Variants in GDAP2 observed in about 807,000 individuals in gnomAD.
The protein encoded by GDAP2 is ganglioside induced differentiation associated protein 2.
GDAP2 carries 51 observed loss-of-function variants against 67.0 expected under a neutral mutation model. That is an observed-to-expected ratio of 0.76 (90% CI 0.61 to 0.96). The LOEUF is 0.96. Ranked by LOEUF, GDAP2 falls within the 40% of genes least tolerant of loss-of-function variation. The pLI is 0.00. For missense variants in GDAP2, 547 were observed against 588.3 expected (o/e 0.93, Z 0.73); for synonymous variants, 203 against 207.3 (o/e 0.98, Z 0.18).
intron 8 of GDAP2, among the ~76,000 whole-genome samples, chr1:117,890,129 A>G (rs1434382995): frequency 2.0e-5 from 3 of 152,132 alleles, no homozygotes; most frequent in Non-Finnish European, 2.9e-5. Context: ...GGTAACCAGA[A>G]GTCTAAATAC....
chr1:117,922,927 A>G (rs1650308675), intron 1 of GDAP2, among the ~76,000 whole-genome samples: 1 of 152,258 alleles, frequency 6.6e-6, no homozygotes, highest in Non-Finnish European at 1.5e-5. Context: ...CTACACCTGC[A>G]TAAGGCAGAC....
intron 5 of GDAP2, among the ~76,000 whole-genome samples, chr1:117,906,816 T>C (rs1649675365): frequency 6.6e-6 from 1 of 152,232 alleles, no homozygotes; most frequent in Non-Finnish European, 1.5e-5. Context: ...TGTGTATTGT[T>C]ATCCTCCCTG....
rs1310458861 is a variant in GDAP2, at chr1:117,912,694, T to A, written c.317-11A>T. On this transcript the variant is annotated splice_polypyrimidine_tract_variant and intron_variant, in intron 3 of 13. Transcript: ENST00000369443. ...CACCTGTTCGGCACCCTGAAAACAATGGAAACACACATAAGTTTGGATGTG... is the reference window on the plus strand; with the variant it reads ...CACCTGTTCGGCACCCTGAAAACAAAGGAAACACACATAAGTTTGGATGTG... 1 of 1,609,628 alleles carries A rather than the reference T, an allele frequency of 6.2e-7. No individual in the cohort carries two copies. Among genetic ancestry groups the A allele is most frequent in the Non-Finnish European group, 8.5e-7 (1 of 1,176,818 alleles).
intron 13 of GDAP2, among the ~76,000 whole-genome samples, chr1:117,871,198 G>C (rs548848148): frequency 6.6e-6 from 1 of 152,308 alleles, no homozygotes; most frequent in Non-Finnish European, 1.5e-5. Context: ...GGCAAGGCTT[G>C]TAACAATTAC....
intron 6 of GDAP2, among the ~76,000 whole-genome samples, chr1:117,901,753 C>T (rs1348506369): frequency 3.3e-5 from 5 of 152,072 alleles, no homozygotes; most frequent in African/African-American, 9.7e-5. Context: ...GAAGACTGTC[C>T]CTGTAAGGGA....
At chr1:117,919,051 T>C (rs932485363) in intron 2 of GDAP2, among the ~76,000 whole-genome samples, 4 of 152,112 alleles carry the variant, frequency 2.6e-5, no homozygotes, top group Admixed American at 6.5e-5. Flanking sequence ...GGTATATCCA[T>C]ACAATGGAAT....
At chr1:117,873,336 T>C (rs1311203573) in intron 13 of GDAP2, among the ~76,000 whole-genome samples, 1 of 152,122 alleles carries the variant, frequency 6.6e-6, no homozygotes, top group Non-Finnish European at 1.5e-5. Context: ...AAGGTCCCTT[T>C]TAATCCTATA....
chr1:117,886,626 A>G lies in GDAP2; in HGVS notation c.1058T>C (p.Met353Thr), dbSNP rs1418758080. 6.3e-7 allele frequency: 1 copy of G among 1,593,028 alleles called. No individual in the cohort carries two copies. Among genetic ancestry groups the G allele is most frequent in the African/African-American group, 1.3e-5 (1 of 74,468 alleles). The change falls in exon 10 of 14, where the codon ATG becomes ACG. Residue 353 changes from methionine to threonine, a missense_variant. By Grantham distance (81) the Met-to-Thr change is moderately conservative. Coordinates refer to ENST00000369443, the MANE Select transcript of GDAP2 (RefSeq NM_017686.4). ...TGVDNCGRTV[M>T]VVVGRNIPVT... The stretch of plus-strand genomic sequence containing the variant: ...AGGAATGTTTCTTCCAACTACCACC[A>G]TCACTGTTCGACCACAGTTATCAAC...
At chr1:117,877,693 A>G in intron 13 of GDAP2, 10 of 1,049,202 alleles carry the variant, frequency 9.5e-6, no homozygotes, top group Non-Finnish European at 1.1e-5. Context: ...AAGCCATTCA[A>G]TCTTAAGAAA....
In GDAP2 at chr1:117,870,576, T is replaced by C. The variant is rs769638608; in HGVS notation, c.1487A>G (p.Asp496Gly). Residue 496 changes from aspartate to glycine, a missense_variant, in exon 14 of 14, where the codon GAT becomes GGT. Transcript: ENST00000369443. ...PYYTSYPPSP[D>G]L ...GCACTGAAAGATGGCAGGTCACAAA[T>C]CTGGTGATGGGGGATATGATGTATA... 2 of 1,603,606 alleles carry C rather than the reference T, an allele frequency of 1.2e-6. No homozygotes were observed. Among genetic ancestry groups the C allele is most frequent in the East Asian group, 2.2e-5 (1 of 44,768 alleles).
chr1:117,916,588 T>A (rs1430665766), intron 3 of GDAP2, among the ~76,000 whole-genome samples: 2 of 152,152 alleles, frequency 1.3e-5, no homozygotes, highest in Non-Finnish European at 2.9e-5. Context: ...ATGGCTGTAG[T>A]CTAGGCAGGG....
At chr1:117,906,962 T>C (rs1478013552) in intron 5 of GDAP2, among the ~76,000 whole-genome samples, 1 of 152,190 alleles carries the variant, frequency 6.6e-6, no homozygotes, top group Non-Finnish European at 1.5e-5. Flanking sequence ...TTTTATCCAG[T>C]ATATTCTTCT....
chr1:117,925,105 T>C (rs1441478240), intron 1 of GDAP2, among the ~76,000 whole-genome samples: 1 of 152,216 alleles, frequency 6.6e-6, no homozygotes, highest in Non-Finnish European at 1.5e-5. Flanking sequence ...ATTGCTTTTT[T>C]AAGATAACTT....
intron 8 of GDAP2, among the ~76,000 whole-genome samples, chr1:117,890,516 C>T (rs1216616892): frequency 5.9e-5 from 9 of 151,932 alleles, no homozygotes; most frequent in Admixed American, 6.6e-5. Context: ...TAATTGAAAA[C>T]ACTCGCATAA....
intron 6 of GDAP2, among the ~76,000 whole-genome samples, chr1:117,901,095 A>G (rs1649452989): frequency 6.6e-6 from 1 of 152,184 alleles, no homozygotes; most frequent in African/African-American, 2.4e-5. Context: ...AAAATGGAAT[A>G]CAGTATGTGG....
At chr1:117,885,854 A>ATCTC (rs1648835577) in intron 10 of GDAP2, among the ~76,000 whole-genome samples, 1 of 152,134 alleles carries the variant, frequency 6.6e-6, no homozygotes, top group African/African-American at 2.4e-5. Context: ...GATTCTCTAC[A>ATCTC]TAATTATCTT....
At chr1:117,884,247 G>A (rs1648770499) in intron 10 of GDAP2, among the ~76,000 whole-genome samples, 2 of 152,130 alleles carry the variant, frequency 1.3e-5, no homozygotes, top group Non-Finnish European at 2.9e-5. Flanking sequence ...CATTTCTAGA[G>A]CTCTGAAAGA....
chr1:117,878,196 G>C lies in GDAP2; in HGVS notation c.1303-44C>G, dbSNP rs376103234. The C allele has an allele frequency of 3.7e-6, 4 of 1,080,820 alleles. No individual in the cohort carries two copies. The African/African-American group carries it at 6.3e-5, about 17-fold the overall frequency. The allele number at this position is 1,080,820 out of a possible 1,614,324, so 67.0% of individuals were successfully genotyped here. A position where few individuals can be genotyped will look rare whatever the true frequency, so the allele number is the denominator to read the frequency against. Reference sequence around the variant, plus strand: ...AAAATAATTTAAGCTAGTTGCCATAGTTAGAAACATAAACACAATTTGGAA... The same window carrying C: ...AAAATAATTTAAGCTAGTTGCCATACTTAGAAACATAAACACAATTTGGAA... On this transcript the variant is annotated intron_variant, in intron 12 of 13. Transcript: ENST00000369443.
chr1:117,902,350 T>C (rs1649508030), intron 6 of GDAP2, among the ~76,000 whole-genome samples: 1 of 152,228 alleles, frequency 6.6e-6, no homozygotes. Context: ...TTTGTGCTTT[T>C]GGTGCCATAT....
Sources: gnomAD v4.1 joint callset for allele counts (sites outside exome capture counted in the v4.1 genomes callset) on GRCh38, gnomAD v4.1.1 for gene constraint, MANE v1.5 for transcripts, NCBI Gene and HGNC (gene_info 2026-07-23, HGNC 2026-07-21) for gene names.